The following LIPG variants were observed in gnomAD, a reference collection of about 807,000 sequenced individuals.
The protein encoded by LIPG is endothelial lipase.
LIPG carries 34 observed loss-of-function variants against 51.8 expected under a neutral mutation model. That is an observed-to-expected ratio of 0.66 (90% CI 0.50 to 0.87). The LOEUF (loss-of-function observed/expected upper bound fraction) is 0.87, where lower values mean the gene tolerates loss of function less well. LIPG is among the 40% of genes least tolerant of loss of function. The probability of loss-of-function intolerance (pLI) is 0.00; values close to 1 mark genes in which losing one functional copy is unlikely to be tolerated. For synonymous variants in LIPG, 246 were observed against 246.1 expected (o/e 1.00, Z 0.00); for missense variants, 580 against 652.7 (o/e 0.89, Z 1.21).
At chr18:49,583,215 C>T (rs1334856722) in intron 7 of LIPG, among the ~76,000 whole-genome samples, 5 of 152,176 alleles carry the variant, frequency 3.3e-5, no homozygotes, top group East Asian at 1.9e-4. Context: ...AGCGGAACAG[C>T]GCACTTGAGT....
chr18:49,578,830 G>A (rs1466972328), intron 5 of LIPG, among the ~76,000 whole-genome samples: 3 of 151,198 alleles, frequency 2.0e-5, no homozygotes, highest in South Asian at 2.1e-4. Context: ...AGACCGGCCC[G>A]GCCAACACAG....
rs1230602314 is a variant in LIPG, at chr18:49,579,007, AG to A, written c.794-2405del. ...CACATGAGAGGGAGACCGTGGGGAG[AG>A]GGAGAGGGAGAGGGAGAGGGAGAGG... On this transcript the variant is annotated intron_variant, in intron 5 of 9. Coordinates refer to ENST00000261292, the MANE Select transcript of LIPG (RefSeq NM_006033.4). 0.025 allele frequency among the ~76,000 whole-genome samples: 15 copies of A among 594 alleles called. No homozygotes were observed. In the East Asian group the frequency reaches 0.31, roughly 12 times the overall value. The allele number at this position is 594 out of a possible 152,430, so 0.4% of individuals were successfully genotyped here.
intron 5 of LIPG, among the ~76,000 whole-genome samples, chr18:49,581,094 A>G (rs1339192414): frequency 6.6e-6 from 1 of 152,144 alleles, no homozygotes; most frequent in East Asian, 1.9e-4. Flanking sequence ...CCCTGTATCT[A>G]CAAAAACTAC....
intron 4 of LIPG, among the ~76,000 whole-genome samples, chr18:49,572,358 A>G (rs1255131790): frequency 6.6e-6 from 1 of 151,806 alleles, no homozygotes; most frequent in Non-Finnish European, 1.5e-5. Flanking sequence ...AAACAAACAA[A>G]AAACACCTCA....
chr18:49,563,131 AAGTC>A (rs1266198165), intron 1 of LIPG, among the ~76,000 whole-genome samples: 1 of 152,138 alleles, frequency 6.6e-6, no homozygotes, highest in Non-Finnish European at 1.5e-5. Flanking sequence ...AGTGAGAACT[AAGTC>A]AGCTGATAAG....
intron 9 of LIPG, chr18:49,590,064 C>T: frequency 3.2e-6 from 1 of 309,624 alleles, no homozygotes; most frequent in Non-Finnish European, 6.3e-6. Context: ...TCCAGGTCTC[C>T]TAACTCTCAG....
At chr18:49,561,696 T>C (rs2084551028), upstream of LIPG, 2 of 1,244,708 alleles carry the variant, frequency 1.6e-6, no homozygotes, top group Non-Finnish European at 2.0e-6. Flanking sequence ...ATGCTCTCCT[T>C]CTCCAGGGAT....
In LIPG at chr18:49,595,143, G is replaced by A. The variant is rs1015525726; in HGVS notation, c.*4621G>A. On this transcript the variant is annotated 3_prime_UTR_variant, in exon 10 of 10. Coordinates refer to ENST00000261292, the MANE Select transcript of LIPG (RefSeq NM_006033.4). ...ACCTCTGTGTTCAGAGCTACCCTGA[G>A]CCCTCTGCCATGTAAGCTCTCTGAT... 1 of 152,312 alleles carries A rather than the reference G, an allele frequency of 6.6e-6. No homozygotes were observed. Among genetic ancestry groups the A allele is most frequent in the Admixed American group, 6.5e-5 (1 of 15,300 alleles). 9.4% of individuals were successfully genotyped at this position (152,312 alleles called of 1,614,324 possible).
chr18:49,580,416 A>G (rs994033823), intron 5 of LIPG, among the ~76,000 whole-genome samples: 1 of 152,248 alleles, frequency 6.6e-6, no homozygotes, highest in Non-Finnish European at 1.5e-5. Context: ...CTGCTGATGT[A>G]GCATGAAAGT....
At chr18:49,562,884 C>G (rs1189297190) in intron 1 of LIPG, among the ~76,000 whole-genome samples, 1 of 152,178 alleles carries the variant, frequency 6.6e-6, no homozygotes, top group Non-Finnish European at 1.5e-5. Context: ...TTGCAGGGAG[C>G]GTCTGGTGGG....
At chr18:49,580,658 GAAAA>G (rs149374502) in intron 5 of LIPG, among the ~76,000 whole-genome samples, 3,222 of 145,680 alleles carry the variant, frequency 0.022, 91 homozygotes, top group African/African-American at 0.07. Flanking sequence ...ACAAAGCAAA[GAAAA>G]AAAAAAGAGG....
At chr18:49,581,216 G>A (rs1600562265) in intron 5 of LIPG, among the ~76,000 whole-genome samples, 199 bp from the exon 6 acceptor site, 1 of 152,162 alleles carries the variant, frequency 6.6e-6, no homozygotes, top group Non-Finnish European at 1.5e-5. Flanking sequence ...GCGGGGGGTC[G>A]TGATTGTCCC....
chr18:49,583,650 G>A lies in LIPG; in HGVS notation c.1252G>A (p.Gly418Arg). 2 of 1,614,170 alleles carry A rather than the reference G, an allele frequency of 1.2e-6. No homozygotes were observed. Among genetic ancestry groups the A allele is most frequent in the Non-Finnish European group, 1.7e-6 (2 of 1,180,028 alleles). ...CTTGAAGATCCAGCTCACCTGGGAG[G>A]GGGCCTCTCAGTCTTGGTACAACCT... The part of the protein sequence containing the change: ...DLLKIQLTWE[G>R]ASQSWYNLWK... Residue 418 changes from glycine (G) to arginine (R), a missense_variant, in exon 8 of 10, where the codon GGG (glycine) becomes AGG (arginine). Gly to Arg is a moderately radical substitution (Grantham distance 125). Coordinates refer to ENST00000261292, the MANE Select transcript of LIPG (RefSeq NM_006033.4).
At chr18:49,578,338 C>T (rs1452117422) in intron 5 of LIPG, among the ~76,000 whole-genome samples, 1 of 142,464 alleles carries the variant, frequency 7.0e-6, no homozygotes, top group Non-Finnish European at 1.5e-5. Flanking sequence ...TCCTCACCTC[C>T]CAGACGGGGT....
At chr18:49,579,814 T>C in intron 5 of LIPG, among the ~76,000 whole-genome samples, 1 of 128,496 alleles carries the variant, frequency 7.8e-6, no homozygotes, top group African/African-American at 3.1e-5. Flanking sequence ...TTTTCTTTTC[T>C]TTTCTTTACT....
At chr18:49,575,768 G>A (rs1197860872) in intron 5 of LIPG, among the ~76,000 whole-genome samples, 178 bp downstream of exon 5, 1 of 151,386 alleles carries the variant, frequency 6.6e-6, no homozygotes, top group Non-Finnish European at 1.5e-5. Flanking sequence ...CAACCCAGTG[G>A]TTCCTGCTTT....
At chr18:49,568,132 C>T (rs985914042) in intron 3 of LIPG, among the ~76,000 whole-genome samples, 2 of 152,122 alleles carry the variant, frequency 1.3e-5, no homozygotes, top group African/African-American at 4.8e-5. Flanking sequence ...CAGGTTCAAG[C>T]GATTCTCCTG....
At chr18:49,569,383 C>T (rs983761354) in intron 3 of LIPG, 54 bp from the exon 4 acceptor site, 22 of 1,451,918 alleles carry the variant, frequency 1.5e-5, no homozygotes, top group Non-Finnish European at 1.9e-5. Context: ...GCTGGTGATT[C>T]TGGGGGCTCT....
chr18:49,567,035 A>G (rs2084612843), intron 2 of LIPG, among the ~76,000 whole-genome samples: 1 of 152,162 alleles, frequency 6.6e-6, no homozygotes, highest in Non-Finnish European at 1.5e-5. Context: ...CAATGTGCAG[A>G]TTCTAAAATT....
Sources: gnomAD v4.1 joint callset for allele counts (sites outside exome capture counted in the v4.1 genomes callset) on GRCh38, gnomAD v4.1.1 for gene constraint, MANE v1.5 for transcripts, NCBI Gene and HGNC (gene_info 2026-07-23, HGNC 2026-07-21) for gene names.